ARHGEF1: variants seen among roughly 807,000 people sequenced by gnomAD.
The protein encoded by ARHGEF1 is Rho guanine nucleotide exchange factor 1.
A neutral mutation model predicts 119.7 loss-of-function variants in ARHGEF1; 40 were observed. The observed-to-expected ratio is 0.33, with a 90% CI of 0.26 to 0.44. ARHGEF1 has a LOEUF of 0.44. Ranked by LOEUF, ARHGEF1 falls within the 20% of genes least tolerant of loss-of-function variation. ARHGEF1 has a pLI of 1.00. For missense variants in ARHGEF1, 976 were observed against 1,268.3 expected (o/e 0.77, Z 3.50); for synonymous variants, 494 against 521.0 (o/e 0.95, Z 0.71).
upstream of ARHGEF1, among the ~76,000 whole-genome samples, chr19:41,918,534 C>T (rs542958497): frequency 6.7e-6 from 1 of 149,350 alleles, no homozygotes; most frequent in East Asian, 2.0e-4. Context: ...ACACACCATA[C>T]ACTCACCATA....
At position 41,906,733 on chromosome 19, in the gene ARHGEF1, C is replaced by T; in HGVS notation, c.2686C>T (p.Pro896Ser). The T allele has an allele frequency of 6.2e-7, 1 of 1,611,308 alleles. No individual in the cohort carries two copies. The highest frequency in any genetic ancestry group is 1.1e-5 in the South Asian group (1 of 90,868). Reference sequence around the variant, plus strand: ...GGAGGAGGAATTTTGCCGCCTGAGACCCCTCCTGTCTCAGCTTGGGGGGAA... The same window carrying T: ...GGAGGAGGAATTTTGCCGCCTGAGATCCCTCCTGTCTCAGCTTGGGGGGAA... ...ELEEEFCRLR[P>S]LLSQLGGNSV... Residue 896 changes from proline to serine, a missense_variant, in exon 28 of 29, where the codon CCC becomes TCC. Pro to Ser is a moderately conservative substitution (Grantham distance 74). Coordinates refer to ENST00000354532, the MANE Select transcript of ARHGEF1 (RefSeq NM_004706.4). This position sits in a 1 kb window ranked among gnomAD's most constrained non-coding sequence, Gnocchi z 4.5.
intron 1 of ARHGEF1, among the ~76,000 whole-genome samples, chr19:41,926,827 C>T (rs1017478381): frequency 6.6e-6 from 1 of 152,128 alleles, no homozygotes; most frequent in Non-Finnish European, 1.5e-5. Context: ...CCAGAAAATT[C>T]GATCCTGGGC....
At chr19:41,894,135 A>AGTGTGTGT (rs35797687) in intron 8 of ARHGEF1, 72 bp from the exon 9 acceptor site, 14,820 of 484,648 alleles carry the variant, frequency 0.031, 287 homozygotes, top group African/African-American at 0.1. Context: ...TGTGTGTGTG[A>AGTGTGTGT]GTGTGTGTGT....
In ARHGEF1 at chr19:41,883,270, C is replaced by A; in HGVS notation, c.-39C>A. 5.1e-6 allele frequency: 1 copy of A among 195,784 alleles called. No homozygotes were observed. The highest frequency in any genetic ancestry group is 1.1e-5 in the Non-Finnish European group (1 of 87,166). 12.1% of individuals were successfully genotyped at this position (195,784 alleles called of 1,614,324 possible). The stretch of plus-strand genomic sequence containing the variant: ...GCCCGACCTCGGGCGCCCCGCCGGT[C>A]ACCTCCGCGCGGACACCAGGTACTC... On this transcript the variant is annotated 5_prime_UTR_variant, in exon 1 of 29. Coordinates refer to ENST00000354532, the MANE Select transcript of ARHGEF1 (RefSeq NM_004706.4). This position sits in a 1 kb window ranked among gnomAD's most constrained non-coding sequence, Gnocchi z 7.6.
chr19:41,885,823 G>T (rs1262787475), intron 1 of ARHGEF1, among the ~76,000 whole-genome samples: 1 of 151,958 alleles, frequency 6.6e-6, no homozygotes, highest in African/African-American at 2.4e-5. Flanking sequence ...CACAATTTTG[G>T]CTCACTGCAA....
chr19:41,925,019 G>C (rs1320386971), intron 1 of ARHGEF1, among the ~76,000 whole-genome samples: 5 of 152,148 alleles, frequency 3.3e-5, no homozygotes, highest in Non-Finnish European at 5.9e-5. Flanking sequence ...TGGATGTTTG[G>C]GGGGAGGAAA....
At chr19:41,909,798 G>A (rs1258223296), downstream of ARHGEF1, 2 of 1,484,598 alleles carry the variant, frequency 1.3e-6, no homozygotes, top group Non-Finnish European at 1.8e-6. This position sits in a 1 kb window ranked among gnomAD's most constrained non-coding sequence, Gnocchi z 5.2. Flanking sequence ...GGATGCAGAG[G>A]GGGCACCAGA....
Position 41,888,956 on chromosome 19 carries a change from G to A in ARHGEF1, c.225+91G>A. On this transcript the variant is annotated intron_variant, in intron 4 of 28. Coordinates refer to ENST00000354532, the MANE Select transcript of ARHGEF1 (RefSeq NM_004706.4). The surrounding 1 kb of genome is among the most constrained non-coding windows in gnomAD (Gnocchi z 5.1). ...TAAACCAGCGAGCTAGTGCCTGGAG[G>A]GTCTGGAAAAGCAGATCTAGAACAC... 1.8e-6 allele frequency: 2 copies of A among 1,100,212 alleles called. No homozygotes were observed. Among genetic ancestry groups the A allele is most frequent in the Non-Finnish European group, 2.6e-6 (2 of 767,314 alleles). The allele number at this position is 1,100,212 out of a possible 1,614,324, so 68.2% of individuals were successfully genotyped here. A position where few individuals can be genotyped will look rare whatever the true frequency, so the allele number is the denominator to read the frequency against.
chr19:41,907,246 C>A lies in ARHGEF1; in HGVS notation c.*159C>A. On this transcript the variant is annotated 3_prime_UTR_variant, in exon 29 of 29. Transcript: ENST00000354532. The stretch of plus-strand genomic sequence containing the variant: ...CCTGGGAGGGGCCCAGCTGGGGTTA[C>A]TGGCCCCGCATGAGCCTCGGCCATC... The A allele has an allele frequency of 6.6e-7, 1 of 1,521,648 alleles. No homozygotes were observed. The highest frequency in any genetic ancestry group is 1.2e-5 in the South Asian group (1 of 82,350). 94.3% of individuals were successfully genotyped at this position (1,521,648 alleles called of 1,614,324 possible). A position where few individuals can be genotyped will look rare whatever the true frequency, so the allele number is the denominator to read the frequency against.
chr19:41,920,607 T>C (rs2074836609), upstream of ARHGEF1, among the ~76,000 whole-genome samples: 1 of 152,190 alleles, frequency 6.6e-6, no homozygotes, highest in Non-Finnish European at 1.5e-5. Flanking sequence ...CATGTGTGGC[T>C]CCACTCAGCA....
downstream of ARHGEF1, chr19:41,910,186 G>A: frequency 7.9e-7 from 1 of 1,270,774 alleles, no homozygotes; most frequent in Non-Finnish European, 1.1e-6. This position sits in a 1 kb window ranked among gnomAD's most constrained non-coding sequence, Gnocchi z 4.4. Flanking sequence ...TGGGAGGCAT[G>A]TAGTTCTCCT....
intron 4 of ARHGEF1, chr19:41,890,697 T>A (rs1455070756): frequency 6.6e-6 from 1 of 151,606 alleles, no homozygotes; most frequent in African/African-American, 2.4e-5. Context: ...GGAGACTCAC[T>A]TGAACCTGGG....
At chr19:41,924,298 CCTTGA>C (rs1404837891) in intron 1 of ARHGEF1, among the ~76,000 whole-genome samples, 1 of 151,964 alleles carries the variant, frequency 6.6e-6, no homozygotes, top group African/African-American at 2.4e-5. Context: ...AGTCAGACAG[CCTTGA>C]CTTGACTCAA....
chr19:41,910,150 TCTGGGTC>T, downstream of ARHGEF1: 1 of 1,543,388 alleles, frequency 6.5e-7, no homozygotes, highest in African/African-American at 1.4e-5. The surrounding 1 kb of genome is among the most constrained non-coding windows in gnomAD (Gnocchi z 4.4). Context: ...AGTCCAGGGC[TCTGGGTC>T]CTGCTGGACT....
At chr19:41,926,069 T>C (rs1324618204) in intron 1 of ARHGEF1, among the ~76,000 whole-genome samples, 1 of 151,780 alleles carries the variant, frequency 6.6e-6, no homozygotes, top group Non-Finnish European at 1.5e-5. Context: ...ACAGGTGAGT[T>C]TGCAGCTTTA....
In ARHGEF1 at chr19:41,895,351, G is replaced by A. The variant is rs782657499; in HGVS notation, c.880G>A (p.Glu294Lys). ...TTTCTCCCTCACTGTCTCCCCAGCC[G>A]AGAAGCCAGGTGCTACAGACCGGAA... is the stretch of plus-strand genomic sequence containing the variant. ...FRHLKAEVDA[E>K]KPGATDRKGG... The change falls in exon 12 of 29, where the codon GAG (glutamate) becomes AAG (lysine). Residue 294 changes from glutamate to lysine, a missense_variant and splice_region_variant. By Grantham distance (56) the Glu-to-Lys change is moderately conservative (BLOSUM62 1). Transcript: ENST00000354532. 7 of 1,605,382 alleles carry A rather than the reference G, an allele frequency of 4.4e-6. No homozygotes were observed. The highest frequency in any genetic ancestry group is 1.1e-5 in the South Asian group (1 of 90,918).
chr19:41,924,831 T>C (rs2074862311), intron 1 of ARHGEF1, among the ~76,000 whole-genome samples: 1 of 152,048 alleles, frequency 6.6e-6, no homozygotes, highest in Admixed American at 6.5e-5. Context: ...AGGGGACCGG[T>C]GTTTCTGGAG....
At chr19:41,895,233 G>A (rs2074462820) in intron 11 of ARHGEF1, 116 bp from the exon 12 acceptor site, 13 of 1,367,738 alleles carry the variant, frequency 9.5e-6, no homozygotes, top group African/African-American at 2.9e-5. Context: ...GAGGGAGGAA[G>A]GGGCTCCTTG....
At chr19:41,896,809 C>G in intron 13 of ARHGEF1, 1 of 427,368 alleles carries the variant, frequency 2.3e-6, no homozygotes, top group Non-Finnish European at 4.6e-6. Context: ...CTCACCTCCC[C>G]TCTCCTCTCT....
Sources: allele counts gnomAD v4.1 joint callset (sites outside exome capture counted in the v4.1 genomes callset), GRCh38; gene constraint gnomAD v4.1.1; non-coding constraint Gnocchi (gnomAD v3.1); transcripts MANE v1.5; gene names NCBI Gene and HGNC (gene_info 2026-07-23, HGNC 2026-07-21).